ARHGEF3: variants seen among roughly 807,000 people sequenced by gnomAD.
The protein encoded by ARHGEF3 is 59.8 kDA protein.
Under a neutral mutation model 63.2 loss-of-function variants are expected in ARHGEF3, and 28 were observed. That is an observed-to-expected ratio of 0.44 (90% confidence interval 0.33 to 0.61). The LOEUF is 0.61. Among genes scored for constraint, ARHGEF3 ranks in the 20% least tolerant of loss-of-function variants. ARHGEF3 has a pLI of 0.03. For synonymous variants in ARHGEF3, 266 were observed against 254.2 expected (o/e 1.05, Z -0.44); for missense variants, 533 against 659.3 (o/e 0.81, Z 2.10).
chr3:56,839,399 T>C (rs918567323), intron 4 of ARHGEF3, among the ~76,000 whole-genome samples: 6 of 152,154 alleles, frequency 3.9e-5, no homozygotes, highest in African/African-American at 7.2e-5. Context: ...GAACAACATT[T>C]TGGTTTTTAA....
chr3:57,057,886 T>C (rs929250231), intron 1 of ARHGEF3, among the ~76,000 whole-genome samples: 1 of 152,182 alleles, frequency 6.6e-6, no homozygotes, highest in Non-Finnish European at 1.5e-5. Context: ...GATTTTACTG[T>C]CCATACTAGA....
At chr3:56,874,059 C>T (rs1037556611) in intron 4 of ARHGEF3, among the ~76,000 whole-genome samples, 6 of 152,212 alleles carry the variant, frequency 3.9e-5, no homozygotes, top group African/African-American at 1.2e-4. Flanking sequence ...CAACTATTAT[C>T]TACCACCTAA....
At chr3:56,866,422 T>A (rs943335563) in intron 4 of ARHGEF3, among the ~76,000 whole-genome samples, 3 of 152,200 alleles carry the variant, frequency 2.0e-5, no homozygotes, top group Non-Finnish European at 4.4e-5. Flanking sequence ...GTCATGTTCC[T>A]AGGGGAGGCT....
At chr3:56,823,751 ATCAG>A (rs1160237359) in intron 4 of ARHGEF3, among the ~76,000 whole-genome samples, 28 of 152,138 alleles carry the variant, frequency 1.8e-4, no homozygotes. Context: ...GCAATAAATA[ATCAG>A]CTTCTTATGA....
rs996322871 is a variant in ARHGEF3, at chr3:56,843,447, T to A, written c.192+38845A>T. Among the ~76,000 whole-genome samples, 19 of 139,964 alleles carry A rather than the reference T, an allele frequency of 1.4e-4. No individual in the cohort carries two copies. The East Asian group carries it at 2.8e-3, about 20-fold the overall frequency. 91.8% of individuals were successfully genotyped at this position (139,964 alleles called of 152,430 possible). A position where few individuals can be genotyped will look rare whatever the true frequency, so the allele number is the denominator to read the frequency against. ...ATGACTTTTGTAATTTTTTTTTTTT[T>A]ATAGAGAAAGGGTTTCACCATGTGG... On this transcript the variant is annotated intron_variant, in intron 4 of 12. Transcript: ENST00000338458.
chr3:56,986,419 A>G (rs1701539519), intron 2 of ARHGEF3, among the ~76,000 whole-genome samples: 1 of 152,234 alleles, frequency 6.6e-6, no homozygotes, highest in Admixed American at 6.5e-5. Context: ...TGGGAGCTGT[A>G]GACAGAAAGG....
At chr3:56,834,777 T>C (rs2039054423) in intron 4 of ARHGEF3, among the ~76,000 whole-genome samples, 1 of 148,628 alleles carries the variant, frequency 6.7e-6, no homozygotes, top group Admixed American at 6.7e-5. Context: ...AATAACAATA[T>C]CCAGGTATAA....
Position 56,920,661 on chromosome 3 carries a change from A to C in ARHGEF3, c.129+38162T>G, listed in dbSNP as rs575753302. On this transcript the variant is annotated intron_variant, in intron 3 of 12. Coordinates refer to the ARHGEF3 transcript ENST00000338458. Reference sequence around the variant, plus strand: ...AGCCAGAAATGTCACAAAATCTTACAGTTGGAAAGGGAATTTCAAGGTCTT... The same window carrying C: ...AGCCAGAAATGTCACAAAATCTTACCGTTGGAAAGGGAATTTCAAGGTCTT... Among the ~76,000 whole-genome samples the C allele has an allele frequency of 1.1e-4, 16 of 152,316 alleles. No homozygotes were observed. The South Asian group carries it at 2.9e-3, about 28-fold the overall frequency.
intron 1 of ARHGEF3, chr3:57,075,496 T>G (rs1706171444): frequency 7.0e-6 from 1 of 143,426 alleles, no homozygotes; most frequent in Non-Finnish European, 1.6e-5. Flanking sequence ...TCCTCTTTTT[T>G]TTTCTTCTTT....
At chr3:57,050,923 AAGC>A (rs1704642648) in intron 1 of ARHGEF3, among the ~76,000 whole-genome samples, 4 of 152,170 alleles carry the variant, frequency 2.6e-5, no homozygotes, top group Admixed American at 6.5e-5. Flanking sequence ...CTATTAGCAA[AAGC>A]AAGAAGTGGC....
At chr3:57,079,194 G>A (rs950620548) in intron 1 of ARHGEF3, 3 of 396,670 alleles carry the variant, frequency 7.6e-6, no homozygotes, top group Non-Finnish European at 1.3e-5. Context: ...TCTAGCGCGG[G>A]AGCGGGTTTC....
chr3:57,037,862 A>G (rs1334837990), intron 1 of ARHGEF3, among the ~76,000 whole-genome samples: 2 of 144,492 alleles, frequency 1.4e-5, no homozygotes, highest in Admixed American at 1.4e-4. Context: ...GCGACAGAGC[A>G]AGACTCCGTC....
chr3:56,813,490 C>T (rs1290989964), intron 4 of ARHGEF3, among the ~76,000 whole-genome samples: 2 of 152,190 alleles, frequency 1.3e-5, no homozygotes, highest in African/African-American at 4.8e-5. Flanking sequence ...TTCTGTCTCA[C>T]CGTGTTATCG....
At chr3:56,813,651 C>G (rs1559962312) in intron 4 of ARHGEF3, among the ~76,000 whole-genome samples, 1 of 152,140 alleles carries the variant, frequency 6.6e-6, no homozygotes, top group Non-Finnish European at 1.5e-5. Context: ...TGGCAGAGCT[C>G]AAAAACTAAA....
chr3:57,035,286 G>T, intron 1 of ARHGEF3: 1 of 512,758 alleles, frequency 2.0e-6, no homozygotes, highest in Non-Finnish European at 3.2e-6. Flanking sequence ...GTTACCCAGT[G>T]TCCACCAAAA....
chr3:56,770,354 G>A (rs2035937034), intron 2 of ARHGEF3, among the ~76,000 whole-genome samples: 2 of 151,998 alleles, frequency 1.3e-5, no homozygotes, highest in East Asian at 1.9e-4. Flanking sequence ...AGGTGGAGGT[G>A]AGCCACGATC....
At chr3:56,805,657 C>T (rs962207075), upstream of ARHGEF3, among the ~76,000 whole-genome samples, 1 of 152,154 alleles carries the variant, frequency 6.6e-6, no homozygotes, top group Admixed American at 6.5e-5. Context: ...CTTTGCTTTC[C>T]TTAAAATATA....
At chr3:56,951,252 C>T (rs187125478) in intron 3 of ARHGEF3, among the ~76,000 whole-genome samples, 1 of 149,834 alleles carries the variant, frequency 6.7e-6, no homozygotes, top group African/African-American at 2.5e-5. Flanking sequence ...ACGTTGTGCA[C>T]ATGTACCCTA....
intron 3 of ARHGEF3, among the ~76,000 whole-genome samples, chr3:56,911,085 G>A (rs1004294814): frequency 3.3e-5 from 5 of 152,118 alleles, no homozygotes; most frequent in African/African-American, 9.7e-5. Flanking sequence ...GCCTTGCCCA[G>A]GGTTAACTGC....
Sources: gnomAD v4.1 joint callset for allele counts (sites outside exome capture counted in the v4.1 genomes callset) on GRCh38, gnomAD v4.1.1 for gene constraint, MANE v1.5 for transcripts, NCBI Gene and HGNC (gene_info 2026-07-23, HGNC 2026-07-21) for gene names.